The following PACRG variants were observed in gnomAD, a reference collection of about 807,000 sequenced individuals.
PACRG encodes parkin coregulated.
Under a neutral mutation model 29.7 loss-of-function variants are expected in PACRG, and 29 were observed. The ratio of observed to expected loss-of-function variants is 0.98; its 90% confidence interval spans 0.73 to 1.33. The LOEUF is 1.33. Ranked by LOEUF, PACRG falls within the 40% of genes most tolerant of loss-of-function variation. The pLI is 0.00. For synonymous variants in PACRG, 116 were observed against 118.7 expected, an observed-to-expected ratio of 0.98 and a Z score of 0.15; for missense variants, 279 against 316.2, an observed-to-expected ratio of 0.88 and a Z score of 0.89.
intron 2 of PACRG, among the ~76,000 whole-genome samples, chr6:162,952,290 T>C (rs954237386): frequency 6.6e-6 from 1 of 152,224 alleles, no homozygotes; most frequent in Non-Finnish European, 1.5e-5. Flanking sequence ...TGAACCTATT[T>C]ACATCTAGTT....
At chr6:162,778,198 C>T (rs1783800991) in intron 1 of PACRG, among the ~76,000 whole-genome samples, 1 of 152,122 alleles carries the variant, frequency 6.6e-6, no homozygotes, top group African/African-American at 2.4e-5. Flanking sequence ...AAAAGTGAGT[C>T]AGCACGGTGA....
intron 4 of PACRG, among the ~76,000 whole-genome samples, chr6:163,132,217 A>G (rs147242603): frequency 6.6e-6 from 1 of 152,240 alleles, no homozygotes; most frequent in Admixed American, 6.5e-5. Flanking sequence ...TATGCCACTT[A>G]CTAGAAATCT....
intron 4 of PACRG, among the ~76,000 whole-genome samples, chr6:163,153,641 C>T (rs967304373): frequency 6.6e-6 from 1 of 152,018 alleles, no homozygotes; most frequent in Non-Finnish European, 1.5e-5. Context: ...GGATGGATGA[C>T]TCAATTAAAT....
intron 2 of PACRG, among the ~76,000 whole-genome samples, chr6:162,881,354 C>T (rs375851879): frequency 3.3e-5 from 5 of 150,220 alleles, no homozygotes; most frequent in African/African-American, 1.2e-4. Flanking sequence ...TGCACCCACG[C>T]AAAAGGTAGA....
intron 2 of PACRG, among the ~76,000 whole-genome samples, chr6:163,007,848 C>T (rs908768920): frequency 6.6e-6 from 1 of 152,150 alleles, no homozygotes; most frequent in Non-Finnish European, 1.5e-5. Flanking sequence ...CCAGCTAGAA[C>T]AGAGCGGCCT....
intron 2 of PACRG, among the ~76,000 whole-genome samples, chr6:162,950,820 A>C (rs1456661331): frequency 6.6e-6 from 1 of 152,244 alleles, no homozygotes; most frequent in East Asian, 1.9e-4. Flanking sequence ...CAGTGTAGAA[A>C]GGGCTAATAG....
intron 4 of PACRG, among the ~76,000 whole-genome samples, chr6:163,252,813 C>T (rs193172056): frequency 1.3e-5 from 2 of 152,350 alleles, no homozygotes; most frequent in East Asian, 3.9e-4. Flanking sequence ...CTACGTTATA[C>T]TCTTGTGCAG....
chr6:162,917,991 T>C (rs1796813615), intron 2 of PACRG, among the ~76,000 whole-genome samples: 1 of 152,218 alleles, frequency 6.6e-6, no homozygotes, highest in East Asian at 1.9e-4. Flanking sequence ...CTTAGTTAAA[T>C]TATCTAAAAT....
chr6:162,752,681 T>C (rs903144450), intron 1 of PACRG, among the ~76,000 whole-genome samples: 2 of 152,234 alleles, frequency 1.3e-5, no homozygotes, highest in African/African-American at 4.8e-5. Context: ...TGGCACACTT[T>C]AGCTCTAGAG....
At chr6:162,821,084 CTT>C (rs1787805046) in intron 2 of PACRG, among the ~76,000 whole-genome samples, 1 of 152,220 alleles carries the variant, frequency 6.6e-6, no homozygotes, top group South Asian at 2.1e-4. Flanking sequence ...TTAGAAATAA[CTT>C]TTATTTAAAT....
At chr6:163,179,265 G>A (rs1381436205) in intron 4 of PACRG, 1 of 455,722 alleles carries the variant, frequency 2.2e-6, no homozygotes, top group East Asian at 7.0e-5. Context: ...CAGAAAGGAG[G>A]CGGCAGCTGG....
intron 4 of PACRG, among the ~76,000 whole-genome samples, chr6:163,197,745 G>A (rs1318719985): frequency 2.6e-5 from 4 of 152,028 alleles, no homozygotes; most frequent in East Asian, 1.9e-4. Context: ...CACTGAGCCC[G>A]CCGGCTATTT....
chr6:163,136,332 C>T (rs1816935995), intron 4 of PACRG, among the ~76,000 whole-genome samples: 1 of 152,132 alleles, frequency 6.6e-6, no homozygotes. Flanking sequence ...CCATCTCCTT[C>T]GAAATTATCT....
chr6:162,982,857 TG>T (rs1186148042), intron 2 of PACRG, among the ~76,000 whole-genome samples: 2 of 152,142 alleles, frequency 1.3e-5, no homozygotes, highest in Non-Finnish European at 2.9e-5. Flanking sequence ...ATTGTTTCTT[TG>T]TTGACTGTCT....
chr6:163,292,892 C>G (rs7774556), intron 4 of PACRG, among the ~76,000 whole-genome samples: 21,604 of 152,132 alleles, frequency 0.14, 2,995 homozygotes, highest in African/African-American at 0.36. Flanking sequence ...TTGTGCGTTG[C>G]TATTACAGAA....
chr6:162,874,688 C>G (rs1020907767), intron 2 of PACRG, among the ~76,000 whole-genome samples: 3 of 152,158 alleles, frequency 2.0e-5, no homozygotes, highest in African/African-American at 7.2e-5. Context: ...TCCACAAGTA[C>G]CAGGGCACAG....
chr6:163,257,126 C>T (rs986382566), intron 4 of PACRG, among the ~76,000 whole-genome samples: 2 of 152,030 alleles, frequency 1.3e-5, no homozygotes, highest in South Asian at 4.2e-4. Context: ...GTTCTTATAC[C>T]GAGATCCTTA....
At chr6:162,844,816 C>T (rs1273698347) in intron 2 of PACRG, among the ~76,000 whole-genome samples, 1 of 152,160 alleles carries the variant, frequency 6.6e-6, no homozygotes, top group Non-Finnish European at 1.5e-5. Flanking sequence ...TATATTTTCT[C>T]CAGTATTATA....
chr6:162,797,800 T>C (rs913990461), intron 1 of PACRG, among the ~76,000 whole-genome samples: 8 of 152,140 alleles, frequency 5.3e-5, no homozygotes, highest in African/African-American at 1.9e-4. Flanking sequence ...ATGCTATTTT[T>C]CCCTTTTACT....
Sources: allele counts gnomAD v4.1 joint callset (sites outside exome capture counted in the v4.1 genomes callset), GRCh38; gene constraint gnomAD v4.1.1; transcripts MANE v1.5; gene names NCBI Gene and HGNC (gene_info 2026-07-23, HGNC 2026-07-21).